The following GPC5 variants were observed in gnomAD, a reference collection of about 807,000 sequenced individuals.
The protein encoded by GPC5 is glypican-5.
Under a neutral mutation model 53.9 loss-of-function variants are expected in GPC5, and 47 were observed. The ratio of observed to expected loss-of-function variants is 0.87; its 90% confidence interval spans 0.69 to 1.11. The LOEUF is 1.11. Ranked by LOEUF, GPC5 falls within the 50% of genes most tolerant of loss-of-function variation. The pLI, the probability that GPC5 is intolerant of heterozygous loss-of-function variation, is 0.00. For missense variants in GPC5, 748 were observed against 713.1 expected (o/e 1.05, Z -0.56); for synonymous variants, 286 against 263.3 (o/e 1.09, Z -0.84).
intron 7 of GPC5, among the ~76,000 whole-genome samples, chr13:92,238,493 T>A (rs1298447430): frequency 6.6e-6 from 1 of 152,206 alleles, no homozygotes; most frequent in Admixed American, 6.6e-5. Context: ...GCAATTTGTA[T>A]CTCTTCATTA....
chr13:92,609,300 A>G (rs1351631150), intron 7 of GPC5, among the ~76,000 whole-genome samples: 1 of 152,050 alleles, frequency 6.6e-6, no homozygotes, highest in Admixed American at 6.6e-5. Flanking sequence ...GGTGAATGAG[A>G]GGGGGTTGGT....
At chr13:92,610,903 G>A (rs1397181911) in intron 7 of GPC5, among the ~76,000 whole-genome samples, 5 of 151,294 alleles carry the variant, frequency 3.3e-5, no homozygotes, top group South Asian at 4.2e-4. Context: ...AAAATATGGG[G>A]ATTTACAATT....
At chr13:91,688,470 A>G (rs1055470293) in intron 2 of GPC5, among the ~76,000 whole-genome samples, 1 of 152,204 alleles carries the variant, frequency 6.6e-6, no homozygotes, top group African/African-American at 2.4e-5. Context: ...GAATATTTCA[A>G]TATCAGGTTT....
rs115934404 is a variant in GPC5, at chr13:92,360,311, G to A, written c.1561+215322G>A. On this transcript the variant is annotated intron_variant, in intron 7 of 7. Coordinates refer to ENST00000377067, the MANE Select transcript of GPC5 (RefSeq NM_004466.6). ...GTAGGCTTTATTTCTGGGATGTAAG[G>A]TTGGTTCAATATATGCAAATCAATA... 3.1e-3 allele frequency among the ~76,000 whole-genome samples: 472 copies of A among 151,634 alleles called. 19 individuals carry two copies. The highest frequency in any genetic ancestry group is 0.011 in the African/African-American group (443 of 41,004).
rs139194810 is a variant in GPC5 at position 92,437,582 on chromosome 13, A to T, written c.1561+292593A>T. ...TGCGTTAAATTCAATCATTTCACAC[A>T]GTTGAACTCCAACTTGTTTTAGGAA... On this transcript the variant is annotated intron_variant, in intron 7 of 7. Coordinates refer to ENST00000377067, the MANE Select transcript of GPC5 (RefSeq NM_004466.6). 4.1e-3 allele frequency among the ~76,000 whole-genome samples: 630 copies of T among 152,318 alleles called. 1 individual carries two copies. The highest frequency in any genetic ancestry group is 7.1e-3 in the Non-Finnish European group (484 of 68,012).
At chr13:92,501,621 A>G (rs1380810355) in intron 7 of GPC5, among the ~76,000 whole-genome samples, 2 of 152,116 alleles carry the variant, frequency 1.3e-5, no homozygotes, top group Admixed American at 6.6e-5. Flanking sequence ...AGGTAAACCC[A>G]AAGAAGTGTG....
chr13:92,341,469 A>G (rs560284408), intron 7 of GPC5, among the ~76,000 whole-genome samples: 32 of 152,274 alleles, frequency 2.1e-4, no homozygotes, highest in Admixed American at 4.6e-4. Context: ...ATAAGATTAA[A>G]TGAAATTATT....
intron 2 of GPC5, among the ~76,000 whole-genome samples, chr13:91,491,709 T>C (rs1883950986): frequency 6.6e-6 from 1 of 152,172 alleles, no homozygotes; most frequent in Non-Finnish European, 1.5e-5. Context: ...TGGTGACTGC[T>C]TGGTTTGTGA....
intron 7 of GPC5, among the ~76,000 whole-genome samples, chr13:92,395,277 T>C (rs923853857): frequency 2.8e-4 from 42 of 152,138 alleles, no homozygotes; most frequent in African/African-American, 9.9e-4. Context: ...TAAAATTATT[T>C]TTACGGTTGT....
intron 7 of GPC5, among the ~76,000 whole-genome samples, chr13:92,366,658 A>G (rs920646364): frequency 5.3e-5 from 8 of 152,264 alleles, no homozygotes; most frequent in African/African-American, 1.9e-4. Flanking sequence ...GGCCACGAGC[A>G]TTTACAGCTA....
chr13:92,412,813 T>C (rs538679101), intron 7 of GPC5, among the ~76,000 whole-genome samples: 4 of 152,194 alleles, frequency 2.6e-5, no homozygotes, highest in Non-Finnish European at 4.4e-5. Context: ...TTTATATAGA[T>C]AGATACATTA....
intron 6 of GPC5, among the ~76,000 whole-genome samples, chr13:91,949,552 G>A (rs756227076): frequency 4.6e-5 from 7 of 152,214 alleles, no homozygotes; most frequent in Non-Finnish European, 8.8e-5. Flanking sequence ...TAGCTTGCTA[G>A]AGTATGTGGT....
At chr13:92,198,401 CTTATTAA>C (rs1388242849) in intron 7 of GPC5, among the ~76,000 whole-genome samples, 1 of 152,136 alleles carries the variant, frequency 6.6e-6, no homozygotes, top group Non-Finnish European at 1.5e-5. Context: ...AGATATGCTC[CTTATTAA>C]TTAATAATAC....
intron 6 of GPC5, among the ~76,000 whole-genome samples, chr13:92,079,293 G>A (rs920457616): frequency 1.1e-4 from 16 of 152,034 alleles, no homozygotes; most frequent in Admixed American, 2.6e-4. Flanking sequence ...CTCATGATCC[G>A]CCCACCTCGG....
intron 7 of GPC5, among the ~76,000 whole-genome samples, chr13:92,279,126 TAAC>T (rs1355758583): frequency 6.6e-6 from 1 of 152,096 alleles, no homozygotes; most frequent in African/African-American, 2.4e-5. Flanking sequence ...TTTGTTCTAT[TAAC>T]AATAATAAGT....
At chr13:92,025,482 A>G (rs1462529197) in intron 6 of GPC5, among the ~76,000 whole-genome samples, 2 of 152,152 alleles carry the variant, frequency 1.3e-5, no homozygotes, top group African/African-American at 2.4e-5. Flanking sequence ...TCAGCTCATA[A>G]GCAGATAAGC....
chr13:91,788,664 G>A (rs2037916173), intron 5 of GPC5, among the ~76,000 whole-genome samples: 1 of 152,004 alleles, frequency 6.6e-6, no homozygotes, highest in Non-Finnish European at 1.5e-5. Flanking sequence ...GTCTTTCTAG[G>A]TTTTTAAAAT....
intron 5 of GPC5, among the ~76,000 whole-genome samples, chr13:91,784,640 C>T (rs1210087356): frequency 6.6e-6 from 1 of 151,248 alleles, no homozygotes; most frequent in Non-Finnish European, 1.5e-5. Context: ...ACGAGAATCG[C>T]TTGAACCTGG....
intron 7 of GPC5, among the ~76,000 whole-genome samples, chr13:92,184,397 G>A (rs1348057558): frequency 1.3e-5 from 2 of 152,058 alleles, no homozygotes; most frequent in East Asian, 1.9e-4. Context: ...TTAGCCATTG[G>A]ATATATCTTT....
Sources: gnomAD v4.1 joint callset for allele counts (sites outside exome capture counted in the v4.1 genomes callset) on GRCh38, gnomAD v4.1.1 for gene constraint, MANE v1.5 for transcripts, NCBI Gene and HGNC (gene_info 2026-07-23, HGNC 2026-07-21) for gene names.